PGA5: variants seen among roughly 807,000 people sequenced by gnomAD.
PGA5 encodes the protein pepsin A-5.
Under a neutral mutation model 15.9 loss-of-function variants are expected in PGA5, and 19 were observed. The observed-to-expected ratio is 1.19, with a 90% confidence interval of 0.83 to 1.75. PGA5 has a LOEUF of 1.75. Ranked by LOEUF, PGA5 falls within the 40% of genes most tolerant of loss-of-function variation. PGA5 has a pLI of 0.00. For missense variants in PGA5, 224 were observed against 246.4 expected (o/e 0.91, Z 0.61); for synonymous variants, 92 against 95.8 (o/e 0.96, Z 0.23).
intron 6 of PGA5, chr11:61,249,399 A>C (rs532098358): frequency 1.6e-6 from 1 of 606,942 alleles, no homozygotes; most frequent in Non-Finnish European, 2.8e-6. Context: ...TTATCTTGCC[A>C]GCTAGGCCGG....
At chr11:61,249,857 G>A (rs1304813649) in intron 7 of PGA5, 44 bp downstream of exon 7, 4 of 1,613,586 alleles carry the variant, frequency 2.5e-6, no homozygotes, top group African/African-American at 1.3e-5. Flanking sequence ...CAAGTAGTGG[G>A]TGTGCCAGGC....
intron 4 of PGA5, chr11:61,245,512 A>ATCTC: frequency 3.3e-4 from 1 of 3,014 alleles, no homozygotes; most frequent in Admixed American, 1.2e-3. Context: ...GTGTGGGGAG[A>ATCTC]GTCAGTAAAG....
At chr11:61,249,457 G>C (rs573070613) in intron 6 of PGA5, 15 of 971,600 alleles carry the variant, frequency 1.5e-5, no homozygotes, top group Middle Eastern at 6.5e-4. Context: ...TTCGCTTGGC[G>C]TTTCCCATGC....
At position 61,248,434 on chromosome 11, in the gene PGA5, C is replaced by G. The variant is rs1458815850; in HGVS notation, c.672C>G (p.Gly224=). ...CTTTCCACAGCGATGACAAGAGTGG[C>G]AGCGTGGTGATCTTTGGTGGCATTG... ...SVYLSADDKS[G]SVVIFGGIDS... is the part of the protein sequence containing the mutation. The change falls in exon 6 of 9, where the codon GGC becomes GGG. Residue 224 remains glycine, a synonymous_variant. Transcript: ENST00000312403. The G allele has an allele frequency of 3.1e-6, 5 of 1,613,716 alleles. No individual in the cohort carries two copies. Among genetic ancestry groups the G allele is most frequent in the Non-Finnish European group, 4.2e-6 (5 of 1,179,882 alleles).
intron 8 of PGA5, 76 bp downstream of exon 8, chr11:61,250,090 A>G: frequency 1.3e-6 from 2 of 1,554,850 alleles, no homozygotes; most frequent in Non-Finnish European, 1.7e-6. Flanking sequence ...GCAGAGGGAA[A>G]GTACACTTCC....
At chr11:61,247,561 G>A (rs1032639700) in intron 5 of PGA5, among the ~76,000 whole-genome samples, 5 of 152,030 alleles carry the variant, frequency 3.3e-5, no homozygotes, top group Non-Finnish European at 7.3e-5. Flanking sequence ...ACAGGCATGA[G>A]CCACCACGCC....
rs1854133477 is a variant in PGA5, at chr11:61,251,041, G to C, written c.1018-91G>C. Reference sequence around the variant, plus strand: ...AGCTCCTCCTTGCACGTGCCTTACAGCTGGACCAGGGCTCCCTGGATGTTT... The same window carrying C: ...AGCTCCTCCTTGCACGTGCCTTACACCTGGACCAGGGCTCCCTGGATGTTT... On this transcript the variant is annotated intron_variant, in intron 8 of 8. Transcript: ENST00000312403. 2.5e-6 allele frequency: 4 copies of C among 1,609,616 alleles called. No homozygotes were observed. The African/African-American group carries it at 4.0e-5, about 16-fold the overall frequency.
intron 5 of PGA5, among the ~76,000 whole-genome samples, chr11:61,247,866 G>A (rs565266820): frequency 1.1e-4 from 16 of 152,010 alleles, no homozygotes; most frequent in Non-Finnish European, 1.3e-4. Flanking sequence ...ATTCCTTGCC[G>A]CCAAGGACTG....
Position 61,248,302 on chromosome 11 carries a change from A to G in PGA5, c.657-117A>G, listed in dbSNP as rs751066694. ...GAGGAAAAGAAACCACATTGGTCAC[A>G]CCCCAGGACAGCCCTGGAAAGTGCC... On this transcript the variant is annotated intron_variant, in intron 5 of 8. Transcript: ENST00000312403. The G allele has an allele frequency of 9.9e-6, 16 of 1,610,762 alleles. No homozygotes were observed. In the African/African-American group the frequency reaches 2.0e-4, roughly 20 times the overall value.
chr11:61,249,876 C>T lies in PGA5; in HGVS notation c.919-40C>T, dbSNP rs756335034. On this transcript the variant is annotated intron_variant, in intron 7 of 8. Transcript: ENST00000312403. ...TAGTGGGTGTGCCAGGCAGAAGCGA[C>T]GAAAACCCTTCTAACTTTTCTCACC... is the stretch of plus-strand genomic sequence containing the variant. 2.5e-5 allele frequency: 40 copies of T among 1,613,568 alleles called. 1 individual carries two copies. In the African/African-American group the frequency reaches 2.9e-4, roughly 12 times the overall value.
intron 6 of PGA5, 96 bp from the exon 7 acceptor site, chr11:61,249,573 G>A (rs1424840436): frequency 3.8e-5 from 61 of 1,603,180 alleles, no homozygotes; most frequent in Non-Finnish European, 3.8e-5. Flanking sequence ...GCCAATGGAT[G>A]GGTGGGGAAG....
At chr11:61,251,085 C>A (rs773717549) in intron 8 of PGA5, 47 bp from the exon 9 acceptor site, 10 of 1,611,770 alleles carry the variant, frequency 6.2e-6, no homozygotes, top group Non-Finnish European at 8.5e-6. Context: ...GCGCCTATCA[C>A]GGCTGAATCG....
Position 61,247,596 on chromosome 11 carries a change from T to C in PGA5, c.657-823T>C, listed in dbSNP as rs192572164. ...CCAGCCCCGGATAATTAATTTCTTA[T>C]TGCCGTCTACATTTCCTTCCACATC... On this transcript the variant is annotated intron_variant, in intron 5 of 8. Coordinates refer to ENST00000312403, the MANE Select transcript of PGA5 (RefSeq NM_014224.5). Among the ~76,000 whole-genome samples the C allele has an allele frequency of 2.4e-3, 363 of 152,162 alleles. 3 individuals are homozygous for C. Among genetic ancestry groups the C allele is most frequent in the Non-Finnish European group, 3.3e-3 (223 of 68,022 alleles).
At chr11:61,250,406 G>A (rs1854124152) in intron 8 of PGA5, among the ~76,000 whole-genome samples, 1 of 151,550 alleles carries the variant, frequency 6.6e-6, no homozygotes, top group Non-Finnish European at 1.5e-5. Flanking sequence ...GGTCAACCAA[G>A]TGAGACTGAT....
chr11:61,246,944 C>T (rs776955917), intron 5 of PGA5, among the ~76,000 whole-genome samples: 6 of 151,790 alleles, frequency 4.0e-5, no homozygotes, highest in African/African-American at 9.7e-5. Context: ...CATTTGTGAC[C>T]GGGGGCTAAT....
At chr11:61,251,011 C>T (rs1854133314) in intron 8 of PGA5, 121 bp from the exon 9 acceptor site, 2 of 1,584,252 alleles carry the variant, frequency 1.3e-6, no homozygotes, top group East Asian at 2.2e-5. Context: ...GACACTGAGC[C>T]AGGAAGCTCC....
chr11:61,247,558 T>G (rs1486835178), intron 5 of PGA5, among the ~76,000 whole-genome samples: 1 of 152,076 alleles, frequency 6.6e-6, no homozygotes, highest in South Asian at 2.1e-4. Flanking sequence ...ATTACAGGCA[T>G]GAGCCACCAC....
At chr11:61,246,759 A>G (rs549503142) in intron 5 of PGA5, among the ~76,000 whole-genome samples, 1 of 77,308 alleles carries the variant, frequency 1.3e-5, no homozygotes, top group East Asian at 3.5e-4. Flanking sequence ...GCAAGACTCC[A>G]TCTCAATAAA....
intron 8 of PGA5, among the ~76,000 whole-genome samples, chr11:61,250,268 C>T (rs1308925750): frequency 6.6e-6 from 1 of 151,066 alleles, no homozygotes; most frequent in East Asian, 1.9e-4. Flanking sequence ...TATTTGGACC[C>T]CTGCGTCCAA....
Sources: allele counts gnomAD v4.1 joint callset (sites outside exome capture counted in the v4.1 genomes callset), GRCh38; gene constraint gnomAD v4.1.1; transcripts MANE v1.5; gene names NCBI Gene and HGNC (gene_info 2026-07-23, HGNC 2026-07-21).